Variants in CELF2 observed in about 807,000 individuals in gnomAD.
The protein encoded by CELF2 is CUG triplet repeat RNA-binding protein 2.
CELF2 carries 8 observed loss-of-function variants against 62.6 expected under a neutral mutation model. The observed-to-expected ratio is 0.13, with a 90% CI of 0.07 to 0.23. The LOEUF (loss-of-function observed/expected upper bound fraction) is 0.23, where lower values mean the gene tolerates loss of function less well. Ranked by LOEUF, CELF2 falls within the 10% of genes least tolerant of loss-of-function variation. CELF2 has a pLI of 1.00. For missense variants in CELF2, 333 were observed against 671.0 expected, an observed-to-expected ratio of 0.50 and a Z score of 5.56; for synonymous variants, 258 against 250.0, an observed-to-expected ratio of 1.03 and a Z score of -0.30.
the CELF2 span, among the ~76,000 whole-genome samples, chr10:10,639,865 G>A: frequency 6.6e-6 from 1 of 152,192 alleles, no homozygotes; most frequent in African/African-American, 2.4e-5. Context: ...AGGAGGAGAT[G>A]AAATTCACAT....
the CELF2 span, among the ~76,000 whole-genome samples, chr10:10,685,181 G>A: frequency 6.6e-6 from 1 of 152,204 alleles, no homozygotes; most frequent in African/African-American, 2.4e-5. Flanking sequence ...GAAGTATACA[G>A]AGCGGCTCAG....
At chr10:10,862,304 C>T (rs2060088647) in intron 1 of CELF2, among the ~76,000 whole-genome samples, 1 of 152,134 alleles carries the variant, frequency 6.6e-6, no homozygotes, top group South Asian at 2.1e-4. Context: ...TAGGGTCTCT[C>T]ATGTAGCTGC....
intron 1 of CELF2, among the ~76,000 whole-genome samples, chr10:10,844,060 T>C (rs868457501): frequency 1.3e-5 from 2 of 152,068 alleles, no homozygotes; most frequent in Non-Finnish European, 2.9e-5. Flanking sequence ...CTGAATTCTC[T>C]TGGTGATATT....
chr10:11,164,930 G>A (rs760964314), intron 1 of CELF2: 4 of 299,630 alleles, frequency 1.3e-5, no homozygotes, highest in East Asian at 3.4e-4. Context: ...TTCATCACCC[G>A]CATCTTGCAT....
At chr10:11,289,778 C>T (rs2092208378) in intron 9 of CELF2, among the ~76,000 whole-genome samples, 1 of 152,190 alleles carries the variant, frequency 6.6e-6, no homozygotes, top group African/African-American at 2.4e-5. Context: ...TAAGTGATAG[C>T]TTCAGTGCAA....
intron 1 of CELF2, among the ~76,000 whole-genome samples, chr10:11,070,805 G>A (rs2069702509): frequency 6.6e-6 from 1 of 152,194 alleles, no homozygotes; most frequent in Non-Finnish European, 1.5e-5. Flanking sequence ...AGGGTGCATA[G>A]CATCAGTTGC....
chr10:10,564,283 G>A, the CELF2 span, among the ~76,000 whole-genome samples: 1 of 152,140 alleles, frequency 6.6e-6, no homozygotes, highest in Non-Finnish European at 1.5e-5. Context: ...ATCCCCTGCA[G>A]CTCAGCTCAG....
At chr10:10,532,540 G>A in the CELF2 span, among the ~76,000 whole-genome samples, 2 of 152,178 alleles carry the variant, frequency 1.3e-5, no homozygotes, top group Non-Finnish European at 2.9e-5. Context: ...TTGTGATAAA[G>A]TTTTCTGTGA....
the CELF2 span, among the ~76,000 whole-genome samples, chr10:10,695,795 G>T: frequency 6.6e-6 from 1 of 151,470 alleles, no homozygotes; most frequent in African/African-American, 2.4e-5. Flanking sequence ...CCAGTTGATC[G>T]CATCGGCTCC....
At chr10:11,163,503 C>T (rs185769569) in intron 1 of CELF2, among the ~76,000 whole-genome samples, 55 of 152,274 alleles carry the variant, frequency 3.6e-4, no homozygotes, top group Admixed American at 9.8e-4. Context: ...TCTCAAAGAG[C>T]GACTTAAAAA....
chr10:11,005,279 A>AGG, upstream of CELF2: 1 of 1,589,226 alleles, frequency 6.3e-7, no homozygotes, highest in South Asian at 1.1e-5. This position sits in a 1 kb window ranked among gnomAD's most constrained non-coding sequence, Gnocchi z 4.3. Flanking sequence ...AGAGAGAGAG[A>AGG]GAGAGAGAGA....
chr10:10,787,830 A>G, the CELF2 span, among the ~76,000 whole-genome samples: 16 of 152,252 alleles, frequency 1.1e-4, no homozygotes, highest in African/African-American at 1.4e-4. Flanking sequence ...GTGACTATCC[A>G]GAGAAGCATG....
chr10:10,610,685 T>TA, the CELF2 span, among the ~76,000 whole-genome samples: 1 of 152,210 alleles, frequency 6.6e-6, no homozygotes, highest in Non-Finnish European at 1.5e-5. Flanking sequence ...TCCATGCTAA[T>TA]AAATGCTTTT....
rs1418182688 is a variant in CELF2 at position 11,246,370 on chromosome 10, A to G, written c.355-2783A>G. Among the ~76,000 whole-genome samples the G allele has an allele frequency of 1.3e-5, 2 of 152,110 alleles. No homozygotes were observed. The highest frequency in any genetic ancestry group is 1.9e-4 in the East Asian group (1 of 5,174). On this transcript the variant is annotated intron_variant, in intron 3 of 12. Transcript: ENST00000633077. The surrounding 1 kb of genome is among the most constrained non-coding windows in gnomAD (Gnocchi z 4.6). ...TAAGTCTTTCCTGTCTTGAAAGGAC[A>G]GATGGGTGGCCCCCATCCTCCACTG...
At chr10:11,092,760 G>T (rs1026015895) in intron 1 of CELF2, among the ~76,000 whole-genome samples, 1 of 152,226 alleles carries the variant, frequency 6.6e-6, no homozygotes, top group African/African-American at 2.4e-5. Flanking sequence ...GAAGGTGAGA[G>T]TGGCCCTCTT....
intron 9 of CELF2, among the ~76,000 whole-genome samples, chr10:11,293,567 C>T (rs1305333625): frequency 2.0e-5 from 3 of 152,188 alleles, no homozygotes; most frequent in African/African-American, 7.2e-5. Context: ...AGTGTCAGTG[C>T]TGGCCAGGCG....
At chr10:10,498,569 G>A in the CELF2 span, among the ~76,000 whole-genome samples, 15 of 152,208 alleles carry the variant, frequency 9.9e-5, no homozygotes, top group African/African-American at 1.9e-4. Context: ...AGTCCATCAC[G>A]CATGCCTTCT....
chr10:11,295,116 A>G (rs540776483), intron 9 of CELF2, among the ~76,000 whole-genome samples: 3 of 152,178 alleles, frequency 2.0e-5, no homozygotes, highest in Non-Finnish European at 4.4e-5. Flanking sequence ...TATGGGGCTC[A>G]CTTTATTTTC....
rs975416568 is a variant in CELF2, at chr10:10,945,271, C to T, written c.89+25272C>T. The stretch of plus-strand genomic sequence containing the variant: ...TGACAGCATTTCCCTCCTTCGGCTT[C>T]ATGCAGTAGCCTTGGGCCTTGGCTG... On this transcript the variant is annotated intron_variant, in intron 2 of 13. Transcript: ENST00000636488. 4.6e-5 allele frequency among the ~76,000 whole-genome samples: 7 copies of T among 152,316 alleles called. 1 individual carries two copies. The East Asian group carries it at 1.4e-3, about 29-fold the overall frequency.
Sources: gnomAD v4.1 joint callset for allele counts (sites outside exome capture counted in the v4.1 genomes callset) on GRCh38, gnomAD v4.1.1 for gene constraint, Gnocchi (gnomAD v3.1) non-coding constraint, MANE v1.5 for transcripts, NCBI Gene and HGNC (gene_info 2026-07-23, HGNC 2026-07-21) for gene names.